Variants in ARHGAP15 observed in about 807,000 individuals in gnomAD.
The protein encoded by ARHGAP15 is Rho GTPase activating protein 15.
A neutral mutation model predicts 63.7 loss-of-function variants in ARHGAP15; 51 were observed. The observed-to-expected ratio is 0.80, with a 90% CI of 0.64 to 1.01. ARHGAP15 has a LOEUF of 1.01. Among genes scored for constraint, ARHGAP15 ranks in the 50% least tolerant of loss-of-function variants. ARHGAP15 has a pLI of 0.00. For missense variants in ARHGAP15, 560 were observed against 564.6 expected (o/e 0.99, Z 0.08); for synonymous variants, 191 against 193.8 (o/e 0.99, Z 0.12).
chr2:143,716,526 T>C (rs964744350), intron 13 of ARHGAP15, among the ~76,000 whole-genome samples: 1 of 152,202 alleles, frequency 6.6e-6, no homozygotes, highest in African/African-American at 2.4e-5. Flanking sequence ...AATATTGCCA[T>C]ACTACCTTGA....
chr2:143,554,408 A>G (rs2105081423), intron 10 of ARHGAP15, among the ~76,000 whole-genome samples: 1 of 152,192 alleles, frequency 6.6e-6, no homozygotes, highest in Admixed American at 6.5e-5. Flanking sequence ...ACCCCCAAGC[A>G]TGCCATTATG....
chr2:143,754,228 G>T (rs988060403), intron 13 of ARHGAP15, among the ~76,000 whole-genome samples: 1 of 152,288 alleles, frequency 6.6e-6, no homozygotes, highest in South Asian at 2.1e-4. Flanking sequence ...AATACTTGTT[G>T]AGTACTTAAT....
intron 13 of ARHGAP15, among the ~76,000 whole-genome samples, chr2:143,712,589 A>G (rs1208601417): frequency 6.6e-6 from 1 of 152,194 alleles, no homozygotes; most frequent in East Asian, 1.9e-4. Context: ...GACTTCTAAC[A>G]TTGAATGGAT....
chr2:143,448,939 G>A lies in ARHGAP15; in HGVS notation c.703+11897G>A, dbSNP rs1258229997. 2.0e-5 allele frequency among the ~76,000 whole-genome samples: 3 copies of A among 152,002 alleles called. No individual in the cohort carries two copies. In the East Asian group the frequency reaches 5.8e-4, roughly 29 times the overall value. Reference sequence around the variant, plus strand: ...AGCCAAAGGGTGGCCTTTGGGACTTGGACAAAAGACCTACTCATATAAAAG... The same window carrying A: ...AGCCAAAGGGTGGCCTTTGGGACTTAGACAAAAGACCTACTCATATAAAAG... On this transcript the variant is annotated intron_variant, in intron 8 of 13. Transcript: ENST00000295095.
intron 12 of ARHGAP15, among the ~76,000 whole-genome samples, chr2:143,702,017 C>T (rs994428042): frequency 2.6e-5 from 4 of 152,190 alleles, no homozygotes; most frequent in African/African-American, 9.6e-5. Flanking sequence ...AGCTCCAAGG[C>T]AGCTGGGTCT....
chr2:143,347,741 C>T (rs1685358792), intron 6 of ARHGAP15, among the ~76,000 whole-genome samples: 1 of 151,616 alleles, frequency 6.6e-6, no homozygotes, highest in Admixed American at 6.6e-5. Context: ...ACTCTTTGTG[C>T]TGCAGTTGAG....
chr2:143,344,869 A>G (rs1265056279), intron 6 of ARHGAP15, among the ~76,000 whole-genome samples: 1 of 152,140 alleles, frequency 6.6e-6, no homozygotes, highest in Non-Finnish European at 1.5e-5. Context: ...ACATAGTCAA[A>G]AGGGCTTTGC....
chr2:143,148,343 T>C (rs1238535867), intron 1 of ARHGAP15, among the ~76,000 whole-genome samples: 2 of 152,054 alleles, frequency 1.3e-5, no homozygotes, highest in African/African-American at 4.8e-5. Context: ...TTAATAACTT[T>C]GCAGAACCTG....
At chr2:143,756,257 A>G (rs1686572429) in intron 13 of ARHGAP15, among the ~76,000 whole-genome samples, 2 of 152,226 alleles carry the variant, frequency 1.3e-5, no homozygotes, top group South Asian at 4.1e-4. Flanking sequence ...CAAGGCAAAT[A>G]TTTAAGTACT....
chr2:143,151,080 C>T (rs972645815), intron 1 of ARHGAP15, among the ~76,000 whole-genome samples: 1 of 151,926 alleles, frequency 6.6e-6, no homozygotes, highest in Non-Finnish European at 1.5e-5. Flanking sequence ...CAGAAAGACT[C>T]ACAAAACTGG....
At chr2:143,253,255 T>A (rs1422694566) in intron 6 of ARHGAP15, among the ~76,000 whole-genome samples, 1 of 130,306 alleles carries the variant, frequency 7.7e-6, no homozygotes, top group East Asian at 2.2e-4. Context: ...AATTACAATG[T>A]CTGCAGAGAA....
At chr2:143,294,049 T>C (rs1006976303) in intron 6 of ARHGAP15, among the ~76,000 whole-genome samples, 4 of 152,100 alleles carry the variant, frequency 2.6e-5, no homozygotes, top group Admixed American at 6.6e-5. Flanking sequence ...GTATTTGTCA[T>C]AATGATAAAT....
intron 2 of ARHGAP15, chr2:143,193,239 T>C (rs1574073519): frequency 6.5e-6 from 1 of 152,808 alleles, no homozygotes; most frequent in East Asian, 1.9e-4. Context: ...GCCTGGCACC[T>C]ACACACTAAG....
At chr2:143,327,274 A>T (rs1161681030) in intron 6 of ARHGAP15, among the ~76,000 whole-genome samples, 1 of 152,254 alleles carries the variant, frequency 6.6e-6, no homozygotes, top group Non-Finnish European at 1.5e-5. Context: ...AAAACATTCC[A>T]TGCTCATGGA....
At position 143,308,507 on chromosome 2, in the gene ARHGAP15, C is replaced by A. The variant is rs142688085; in HGVS notation, c.474+57907C>A. Among the ~76,000 whole-genome samples the A allele has an allele frequency of 1.4e-5, 2 of 147,324 alleles. 1 individual carries two copies. The highest frequency in any genetic ancestry group is 6.5e-3 in the Middle Eastern group (2 of 310). ...ACACACACACACACACACACACACA[C>A]TACACAATACACTACACAGTGCCTA... On this transcript the variant is annotated intron_variant, in intron 6 of 13. Coordinates refer to ENST00000295095, the MANE Select transcript of ARHGAP15 (RefSeq NM_018460.4).
At chr2:143,694,833 T>C (rs766047044) in intron 12 of ARHGAP15, among the ~76,000 whole-genome samples, 1 of 152,228 alleles carries the variant, frequency 6.6e-6, no homozygotes, top group Non-Finnish European at 1.5e-5. Context: ...GGATAAAGTT[T>C]AATATGCCTT....
At chr2:143,633,666 C>G (rs1344700265) in intron 12 of ARHGAP15, among the ~76,000 whole-genome samples, 1 of 152,102 alleles carries the variant, frequency 6.6e-6, no homozygotes, top group Admixed American at 6.6e-5. Context: ...CTGAATAGAC[C>G]TGCTTTTAAA....
At chr2:143,477,156 G>A (rs1464143757) in intron 8 of ARHGAP15, among the ~76,000 whole-genome samples, 2 of 151,510 alleles carry the variant, frequency 1.3e-5, no homozygotes, top group Admixed American at 6.6e-5. Context: ...TTTTTAATGA[G>A]AGCCAAATCA....
chr2:143,308,742 A>G (rs796969480), intron 6 of ARHGAP15, among the ~76,000 whole-genome samples: 6 of 152,032 alleles, frequency 3.9e-5, no homozygotes, highest in South Asian at 2.1e-4. Flanking sequence ...TTATAATGTT[A>G]TTATTACATG....
Sources: allele counts gnomAD v4.1 joint callset (sites outside exome capture counted in the v4.1 genomes callset), GRCh38; gene constraint gnomAD v4.1.1; transcripts MANE v1.5; gene names NCBI Gene and HGNC (gene_info 2026-07-23, HGNC 2026-07-21).